TAS2R7: variants seen among roughly 807,000 people sequenced by gnomAD.
TAS2R7 encodes the protein taste receptor type 2 member 7.
For missense variants in TAS2R7, 403 were observed against 366.0 expected (o/e 1.10, Z -0.82); for synonymous variants, 159 against 138.8 (o/e 1.15, Z -1.02).
Position 10,802,437 on chromosome 12 carries a change from T to C in TAS2R7, c.134A>G (p.Asp45Gly). 2 of 1,614,042 alleles carry C rather than the reference T, an allele frequency of 1.2e-6. No individual in the cohort carries two copies. Among genetic ancestry groups the C allele is most frequent in the Non-Finnish European group, 1.7e-6 (2 of 1,179,950 alleles). The stretch of plus-strand genomic sequence containing the variant: ...TATGGCCAGACTTGTGAGGATTAAA[T>C]CAATGGAGGCAATTTTCCTCTTCTT... ...WVKKRKIASIDLILTSLAISR... is the reference protein window; with the variant it reads ...WVKKRKIASIGLILTSLAISR... Residue 45 changes from aspartate to glycine, a missense_variant, in exon 1 of 1, where the codon GAT (aspartate) becomes GGT (glycine). Physicochemically the swap from Asp to Gly is moderately conservative, Grantham distance 94. Transcript: ENST00000240687.
chr12:10,802,357 A>T lies in TAS2R7; in HGVS notation c.214T>A (p.Tyr72Asn), dbSNP rs757918967. 3 of 1,614,022 alleles carry T rather than the reference A, an allele frequency of 1.9e-6. No homozygotes were observed. Among genetic ancestry groups the T allele is most frequent in the East Asian group, 4.5e-5 (2 of 44,874 alleles). Residue 72 changes from tyrosine (Y) to asparagine (N), a missense_variant, in exon 1 of 1, where the codon TAT becomes AAT. Transcript: ENST00000240687. ...ILLDCFILVL[Y>N]PDVYATGKEM... ...TTACCAGTGGCATAGACATCTGGAT[A>T]TAGCACCAATATAAAACAATCTAAT... is the stretch of plus-strand genomic sequence containing the variant.
In TAS2R7 at chr12:10,801,830, G is replaced by A. The variant is rs759677434; in HGVS notation, c.741C>T (p.Tyr247=). The A allele has an allele frequency of 1.2e-5, 19 of 1,613,894 alleles. No individual in the cohort carries two copies. The highest frequency in any genetic ancestry group is 1.5e-5 in the Non-Finnish European group (18 of 1,179,982). The change falls in exon 1 of 1, where the codon TAC becomes TAT. Residue 247 remains tyrosine, a synonymous_variant. Coordinates refer to ENST00000240687, the MANE Select transcript of TAS2R7 (RefSeq NM_023919.2). ...AGGTGGCAATGAGAAAGGACAAATA[G>A]TAGGCAATAAAGAGGAGAAGGAAGG... The part of the protein sequence containing the change: ...VISFLLLFIA[Y]YLSFLIATSS...
rs1320746022 is a variant in TAS2R7 at position 10,802,571 on chromosome 12, G to A, written c.-1C>T. 4 of 1,608,122 alleles carry A rather than the reference G, an allele frequency of 2.5e-6. No homozygotes were observed. The South Asian group carries it at 4.4e-5, about 18-fold the overall frequency. On this transcript the variant is annotated 5_prime_UTR_variant, in exon 1 of 1. Coordinates refer to ENST00000240687, the MANE Select transcript of TAS2R7 (RefSeq NM_023919.2). ...AAGTAGTCTGCACTTTATCTGCCAT[G>A]TTTAAATATGCAATTAGTTTCTAGT...
In TAS2R7 at chr12:10,801,871, G is replaced by A; in HGVS notation, c.700C>T (p.Leu234=). Residue 234 remains leucine (L), a synonymous_variant, in exon 1 of 1, where the codon CTG becomes TTG. Transcript: ENST00000240687. The part of the protein sequence containing the change: ...DPSTEAHVRA[L]KAVISFLLLF... ...AGAAGGAAGGAAATGACAGCTTTCA[G>A]GGCTCTCACATGGGCTTCTGTGCTG... The A allele has an allele frequency of 9.3e-6, 15 of 1,613,880 alleles. No individual in the cohort carries two copies. Among genetic ancestry groups the A allele is most frequent in the Non-Finnish European group, 1.3e-5 (15 of 1,179,952 alleles).
rs748034582 is a variant in TAS2R7 at position 10,802,582 on chromosome 12, C to A, written c.-12G>T. Reference sequence around the variant, plus strand: ...ACTTTATCTGCCATGTTTAAATATGCAATTAGTTTCTAGTTGACCTGATGG... The same window carrying A: ...ACTTTATCTGCCATGTTTAAATATGAAATTAGTTTCTAGTTGACCTGATGG... On this transcript the variant is annotated 5_prime_UTR_variant, in exon 1 of 1. Transcript: ENST00000240687. 10 of 1,603,466 alleles carry A rather than the reference C, an allele frequency of 6.2e-6. No homozygotes were observed. Among genetic ancestry groups the A allele is most frequent in the Admixed American group, 3.4e-5 (2 of 59,038 alleles).
Position 10,801,806 on chromosome 12 carries a change from G to A in TAS2R7, c.765C>T (p.Thr255=), listed in dbSNP as rs201824984. Residue 255 remains threonine (T), a synonymous_variant, in exon 1 of 1, where the codon ACC becomes ACT. Transcript: ENST00000240687. ...CCGTCTCTGGCATAAAGTAGCTGGA[G>A]GTGGCAATGAGAAAGGACAAATAGT... ...IAYYLSFLIA[T]SSYFMPETEL... The A allele has an allele frequency of 9.4e-5, 151 of 1,613,892 alleles. No individual in the cohort carries two copies. The highest frequency in any genetic ancestry group is 4.7e-4 in the Admixed American group (28 of 59,938).
chr12:10,802,119 T>A lies in TAS2R7; in HGVS notation c.452A>T (p.Asn151Ile). The change falls in exon 1 of 1, where the codon AAT (asparagine) becomes ATT (isoleucine). Residue 151 changes from asparagine to isoleucine, a missense_variant. Asn to Ile is a moderately radical substitution (Grantham distance 149, BLOSUM62 -3). Transcript: ENST00000240687. Reference protein sequence around the residue: ...SVFISLPATENLNADFRFCVK... With the variant: ...SVFISLPATEILNADFRFCVK... ...ACAAAACCTGAAATCAGCGTTCAAA[T>A]TCTCAGTGGCTGGAAGGCTAATAAA... 1.2e-6 allele frequency: 2 copies of A among 1,613,934 alleles called. No individual in the cohort carries two copies. Among genetic ancestry groups the A allele is most frequent in the Non-Finnish European group, 1.7e-6 (2 of 1,179,968 alleles).
rs768520655 is a variant in TAS2R7 at position 10,802,482 on chromosome 12, A to G, written c.89T>C (p.Val30Ala). Residue 30 changes from valine (V) to alanine (A), a missense_variant, in exon 1 of 1, where the codon GTA (valine) becomes GCA (alanine). Coordinates refer to ENST00000240687, the MANE Select transcript of TAS2R7 (RefSeq NM_023919.2). ...GILGNAFIGLVNCMDWVKKRK... is the reference protein window; with the variant it reads ...GILGNAFIGLANCMDWVKKRK... ...CTTCTTGACCCAGTCCATGCAGTTTACCAATCCAATGAATGCATTCCCTAA... is the reference window on the plus strand; with the variant it reads ...CTTCTTGACCCAGTCCATGCAGTTTGCCAATCCAATGAATGCATTCCCTAA... 10 of 1,614,056 alleles carry G rather than the reference A, an allele frequency of 6.2e-6. No homozygotes were observed. The highest frequency in any genetic ancestry group is 8.5e-6 in the Non-Finnish European group (10 of 1,179,956).
chr12:10,801,558 G>T lies in TAS2R7; in HGVS notation c.*56C>A. 1 of 1,127,974 alleles carries T rather than the reference G, an allele frequency of 8.9e-7. No homozygotes were observed. Among genetic ancestry groups the T allele is most frequent in the Non-Finnish European group, 1.3e-6 (1 of 784,482 alleles). The allele number at this position is 1,127,974 out of a possible 1,614,324, so 69.9% of individuals were successfully genotyped here. A position where few individuals can be genotyped will look rare whatever the true frequency, so the allele number is the denominator to read the frequency against. On this transcript the variant is annotated 3_prime_UTR_variant, in exon 1 of 1. Transcript: ENST00000240687. ...CACATAAAACATTAATGCAAGAACT[G>T]AAGTTAATTTAGAAACATCTTATCT...
At position 10,802,460 on chromosome 12, in the gene TAS2R7, C is replaced by G. The variant is rs779495905; in HGVS notation, c.111G>C (p.Lys37Asn). 6.2e-7 allele frequency: 1 copy of G among 1,613,912 alleles called. No individual in the cohort carries two copies. Among genetic ancestry groups the G allele is most frequent in the African/African-American group, 1.3e-5 (1 of 74,914 alleles). ...AATCAATGGAGGCAATTTTCCTCTT[C>G]TTGACCCAGTCCATGCAGTTTACCA... ...IGLVNCMDWV[K>N]KRKIASIDLI... The change falls in exon 1 of 1, where the codon AAG becomes AAC. Residue 37 changes from lysine (K) to asparagine (N), a missense_variant. Lys to Asn is a moderately conservative substitution (Grantham distance 94). Coordinates refer to ENST00000240687, the MANE Select transcript of TAS2R7 (RefSeq NM_023919.2).
rs1256281904 is a variant in TAS2R7, at chr12:10,802,623, C to T, written c.-53G>A. 1.5e-5 allele frequency: 22 copies of T among 1,445,286 alleles called. No homozygotes were observed. The highest frequency in any genetic ancestry group is 1.8e-5 in the Non-Finnish European group (19 of 1,052,216). The allele number at this position is 1,445,286 out of a possible 1,614,324, so 89.5% of individuals were successfully genotyped here. A position where few individuals can be genotyped will look rare whatever the true frequency, so the allele number is the denominator to read the frequency against. ...GACCTGATGGAGTTTGACATCCACA[C>T]CTGCTTCTTAGATTTTGATGTAGTT... On this transcript the variant is annotated 5_prime_UTR_variant, in exon 1 of 1. In the 5' UTR this introduces an upstream ATG that the reference lacks. Transcript: ENST00000240687.
rs755778020 is a variant in TAS2R7, at chr12:10,802,566, G to A, written c.5C>T (p.Ala2Val). The A allele has an allele frequency of 6.2e-7, 1 of 1,609,764 alleles. No homozygotes were observed. Among genetic ancestry groups the A allele is most frequent in the South Asian group, 1.1e-5 (1 of 90,496 alleles). The change falls in exon 1 of 1, where the codon GCA becomes GTA. Residue 2 changes from alanine to valine, a missense_variant. Transcript: ENST00000240687. Reference sequence around the variant, plus strand: ...CAATAAAGTAGTCTGCACTTTATCTGCCATGTTTAAATATGCAATTAGTTT... The same window carrying A: ...CAATAAAGTAGTCTGCACTTTATCTACCATGTTTAAATATGCAATTAGTTT... M[A>V]DKVQTTLLFL...
rs775486551 is a variant in TAS2R7, at chr12:10,802,387, T to C, written c.184A>G (p.Ile62Val). Residue 62 changes from isoleucine (I) to valine (V), a missense_variant, in exon 1 of 1, where the codon ATA (isoleucine) becomes GTA (valine). Transcript: ENST00000240687. ...ACCAATATAAAACAATCTAATAGTATTACGCACAATAGACAAATTCTGGAT... is the reference window on the plus strand; with the variant it reads ...ACCAATATAAAACAATCTAATAGTACTACGCACAATAGACAAATTCTGGAT... ...AISRICLLCVILLDCFILVLY... is the reference protein window; with the variant it reads ...AISRICLLCVVLLDCFILVLY... 5.6e-6 allele frequency: 9 copies of C among 1,614,044 alleles called. No homozygotes were observed. The South Asian group carries it at 9.9e-5, about 18-fold the overall frequency.
In TAS2R7 at chr12:10,801,733, T is replaced by G. The variant is rs779654522; in HGVS notation, c.838A>C (p.Ser280Arg). ...CCCAGTATTAGGATAAATGAATGAC[T>G]TGAGGGGTAGATTAGAGCTATGGAC... ...GESIALIYPS[S>R]HSFILILGNN... Residue 280 changes from serine to arginine, a missense_variant, in exon 1 of 1, where the codon AGT becomes CGT. By Grantham distance (110) the Ser-to-Arg change is moderately radical. Transcript: ENST00000240687. 6.2e-7 allele frequency: 1 copy of G among 1,613,906 alleles called. No homozygotes were observed. The highest frequency in any genetic ancestry group is 1.7e-5 in the Admixed American group (1 of 59,960).
chr12:10,802,095 C>T lies in TAS2R7; in HGVS notation c.476G>A (p.Cys159Tyr). Reference protein sequence around the residue: ...TENLNADFRFCVKAKRKTNLT... With the variant: ...TENLNADFRFYVKAKRKTNLT... Reference sequence around the variant, plus strand: ...GTTTGTTTTCCTCTTTGCCTTCACACAAAACCTGAAATCAGCGTTCAAATT... The same window carrying T: ...GTTTGTTTTCCTCTTTGCCTTCACATAAAACCTGAAATCAGCGTTCAAATT... The change falls in exon 1 of 1, where the codon TGT becomes TAT. Residue 159 changes from cysteine to tyrosine, a missense_variant. Coordinates refer to ENST00000240687, the MANE Select transcript of TAS2R7 (RefSeq NM_023919.2). The T allele has an allele frequency of 1.2e-6, 2 of 1,613,942 alleles. No individual in the cohort carries two copies. The highest frequency in any genetic ancestry group is 8.5e-7 in the Non-Finnish European group (1 of 1,179,970).
At position 10,802,302 on chromosome 12, in the gene TAS2R7, G is replaced by A; in HGVS notation, c.269C>T (p.Thr90Ile). ...CCAGATACTTAAATGATTGGTTAGT[G>A]TCCAGAAGAAGTCAATGATTCTCAT... is the stretch of plus-strand genomic sequence containing the variant. The part of the protein sequence containing the change: ...KEMRIIDFFW[T>I]LTNHLSIWFA... Residue 90 changes from threonine (T) to isoleucine (I), a missense_variant, in exon 1 of 1, where the codon ACA (threonine) becomes ATA (isoleucine). Transcript: ENST00000240687. 1 of 1,613,972 alleles carries A rather than the reference G, an allele frequency of 6.2e-7. No homozygotes were observed.
In TAS2R7 at chr12:10,801,932, C is replaced by T. The variant is rs769960080; in HGVS notation, c.639G>A (p.Arg213=). The change falls in exon 1 of 1, where the codon AGG becomes AGA. Residue 213 remains arginine, a synonymous_variant. Transcript: ENST00000240687. The part of the protein sequence containing the change: ...LLILSLRRHI[R]RMQLSATGCR... ...ACCCTGTGGCACTGAGCTGCATTCG[C>T]CTGATATGTCTCCGCAGGGAGAGGA... 44 of 1,613,808 alleles carry T rather than the reference C, an allele frequency of 2.7e-5. No homozygotes were observed. The highest frequency in any genetic ancestry group is 3.6e-5 in the Non-Finnish European group (43 of 1,179,996).
rs1401486911 is a variant in TAS2R7, at chr12:10,801,726, G to T, written c.845C>A (p.Ser282Ter). The change falls in exon 1 of 1, where the codon TCA becomes TAA. Residue 282 changes from serine to a stop codon, truncating the protein, a stop_gained. Transcript: ENST00000240687. LOFTEE classifies it low-confidence loss of function (END_TRUNC). The stretch of plus-strand genomic sequence containing the variant: ...ATTGTTCCCCAGTATTAGGATAAAT[G>T]AATGACTTGAGGGGTAGATTAGAGC... ...SIALIYPSSH[S>*]FILILGNNKL... The T allele has an allele frequency of 3.1e-6, 5 of 1,613,594 alleles. No homozygotes were observed. Among genetic ancestry groups the T allele is most frequent in the Non-Finnish European group, 4.2e-6 (5 of 1,179,690 alleles).
rs1345841536 is a variant in TAS2R7, at chr12:10,802,237, C to G, written c.334G>C (p.Gly112Arg). Residue 112 changes from glycine to arginine, a missense_variant, in exon 1 of 1, where the codon GGT becomes CGT. By Grantham distance (125) the Gly-to-Arg change is moderately radical. Coordinates refer to ENST00000240687, the MANE Select transcript of TAS2R7 (RefSeq NM_023919.2). The stretch of plus-strand genomic sequence containing the variant: ...AGGAAAAGTGGGTGAAAGAAATTAC[C>G]TATCTTGAAGAAATAGTAAATGCTG... ...CLSIYYFFKI[G>R]NFFHPLFLWM... 1 of 1,613,576 alleles carries G rather than the reference C, an allele frequency of 6.2e-7. No individual in the cohort carries two copies. Among genetic ancestry groups the G allele is most frequent in the Non-Finnish European group, 8.5e-7 (1 of 1,179,912 alleles).
Sources: gnomAD v4.1 joint callset for allele counts on GRCh38, gnomAD v4.1.1 for gene constraint, MANE v1.5 for transcripts, NCBI Gene and HGNC (gene_info 2026-07-23, HGNC 2026-07-21) for gene names.